KIAA0825: variants seen among roughly 807,000 people sequenced by gnomAD.
KIAA0825 encodes KIAA0825.
In KIAA0825, 119 loss-of-function variants were observed where a neutral mutation model predicts 147.6. The ratio of observed to expected loss-of-function variants is 0.81; its 90% CI spans 0.69 to 0.94. KIAA0825 has a LOEUF of 0.94. Among genes scored for constraint, KIAA0825 ranks in the 40% least tolerant of loss-of-function variants. The pLI is 0.00. For synonymous variants in KIAA0825, 470 were observed against 518.1 expected, an observed-to-expected ratio of 0.91 and a Z score of 1.26; for missense variants, 1,381 against 1,472.7, an observed-to-expected ratio of 0.94 and a Z score of 1.02.
At chr5:94,554,647 AATAATAATAGTAATG>A (rs1445108612) in intron 2 of KIAA0825, among the ~76,000 whole-genome samples, 1 of 147,694 alleles carries the variant, frequency 6.8e-6, no homozygotes, top group African/African-American at 2.5e-5. Flanking sequence ...AAAATGGCTA[AATAATAATAGTAATG>A]ATAACAGCCG....
intron 2 of KIAA0825, among the ~76,000 whole-genome samples, chr5:94,543,734 G>A (rs1194833697): frequency 6.6e-6 from 1 of 152,110 alleles, no homozygotes; most frequent in Non-Finnish European, 1.5e-5. Flanking sequence ...TTAAGTTTAG[G>A]ATTAAGGGCT....
intron 20 of KIAA0825, among the ~76,000 whole-genome samples, chr5:94,281,027 A>G (rs2150154322): frequency 6.6e-6 from 1 of 152,262 alleles, no homozygotes; most frequent in East Asian, 1.9e-4. Flanking sequence ...AGAGAAGCCA[A>G]TCATAAATGG....
chr5:94,251,418 C>T (rs976303518), intron 20 of KIAA0825, among the ~76,000 whole-genome samples: 23 of 152,036 alleles, frequency 1.5e-4, no homozygotes, highest in Non-Finnish European at 3.2e-4. Flanking sequence ...AATTCACTTT[C>T]TTGTTTATTA....
At chr5:94,563,896 G>A (rs1037098449) in intron 2 of KIAA0825, among the ~76,000 whole-genome samples, 1 of 152,100 alleles carries the variant, frequency 6.6e-6, no homozygotes, top group Non-Finnish European at 1.5e-5. Context: ...ATGTTGGCAA[G>A]ACTGATCTCG....
At chr5:94,549,579 G>A (rs1450034866) in intron 2 of KIAA0825, among the ~76,000 whole-genome samples, 2 of 152,146 alleles carry the variant, frequency 1.3e-5, no homozygotes, top group African/African-American at 4.8e-5. Flanking sequence ...CGGATGTGGT[G>A]GCAGGTGCCT....
chr5:94,334,077 T>C (rs1188290441), intron 20 of KIAA0825, among the ~76,000 whole-genome samples: 1 of 150,216 alleles, frequency 6.7e-6, no homozygotes, highest in Non-Finnish European at 1.5e-5. Flanking sequence ...CCATTGACTT[T>C]CTTCACAGAA....
chr5:94,525,967 C>G (rs1769199675), intron 3 of KIAA0825, among the ~76,000 whole-genome samples: 5 of 151,838 alleles, frequency 3.3e-5, no homozygotes, highest in Admixed American at 3.3e-4. Flanking sequence ...CATTTTGTCA[C>G]AAATTATAAA....
intron 15 of KIAA0825, among the ~76,000 whole-genome samples, chr5:94,406,346 A>T (rs1329618511): frequency 6.6e-6 from 1 of 152,194 alleles, no homozygotes; most frequent in Non-Finnish European, 1.5e-5. Context: ...AATTAGAGAA[A>T]ATTTTACATA....
intron 20 of KIAA0825, among the ~76,000 whole-genome samples, chr5:94,240,526 T>C (rs1583943589): frequency 6.6e-6 from 1 of 152,248 alleles, no homozygotes; most frequent in Non-Finnish European, 1.5e-5. Context: ...CAACCTGTTC[T>C]CTTATTGATA....
At chr5:94,507,047 T>A (rs536976770) in intron 5 of KIAA0825, among the ~76,000 whole-genome samples, 11 of 152,314 alleles carry the variant, frequency 7.2e-5, no homozygotes, top group Non-Finnish European at 1.6e-4. Context: ...ATAAGTGTTA[T>A]GTATAGTCAA....
intron 5 of KIAA0825, among the ~76,000 whole-genome samples, chr5:94,510,911 A>G (rs933392634): frequency 2.0e-5 from 3 of 152,216 alleles, no homozygotes; most frequent in Non-Finnish European, 4.4e-5. Context: ...TTCTAAGTGT[A>G]AAAGACACAG....
At chr5:94,432,410 C>T (rs1226278594) in intron 14 of KIAA0825, among the ~76,000 whole-genome samples, 6 of 152,110 alleles carry the variant, frequency 3.9e-5, no homozygotes, top group Non-Finnish European at 8.8e-5. Context: ...CTAGAAGCAC[C>T]ACCCCCACCT....
chr5:94,302,169 C>A (rs374978033), intron 20 of KIAA0825, among the ~76,000 whole-genome samples: 70 of 152,186 alleles, frequency 4.6e-4, no homozygotes, highest in African/African-American at 1.6e-3. Context: ...AGTCCAAATA[C>A]AGTAGAGATA....
chr5:94,238,736 C>G (rs1775194381), intron 20 of KIAA0825, among the ~76,000 whole-genome samples: 1 of 151,894 alleles, frequency 6.6e-6, no homozygotes. Flanking sequence ...CCCTCCCTCT[C>G]TCTCTCTCTC....
chr5:94,222,976 C>A (rs1158273644), intron 20 of KIAA0825, among the ~76,000 whole-genome samples: 1 of 152,106 alleles, frequency 6.6e-6, no homozygotes, highest in East Asian at 1.9e-4. Context: ...ATTCTACTTT[C>A]TTAGCAAAAA....
At chr5:94,234,798 C>G (rs1036096021) in intron 20 of KIAA0825, among the ~76,000 whole-genome samples, 2 of 152,174 alleles carry the variant, frequency 1.3e-5, no homozygotes, top group Admixed American at 6.5e-5. Flanking sequence ...ACACCTCCCA[C>G]CAGCCTCACC....
At chr5:94,396,560 AC>A (rs1750680286) in intron 16 of KIAA0825, 51 bp from the exon 17 acceptor site, 1 of 1,403,512 alleles carries the variant, frequency 7.1e-7, no homozygotes, top group Non-Finnish European at 9.5e-7. Context: ...GCGTTCAATC[AC>A]TGCATGGTTT....
intron 20 of KIAA0825, among the ~76,000 whole-genome samples, chr5:94,215,566 GA>G (rs1773118449): frequency 6.6e-6 from 1 of 152,122 alleles, no homozygotes; most frequent in East Asian, 1.9e-4. Context: ...AAAGATTGAG[GA>G]ATAGAAGTCT....
chr5:94,373,266 C>T (rs1291159602), intron 20 of KIAA0825, among the ~76,000 whole-genome samples: 1 of 152,174 alleles, frequency 6.6e-6, no homozygotes, highest in Non-Finnish European at 1.5e-5. Flanking sequence ...AAAGTCGCTT[C>T]CACATTTTTG....
Sources: gnomAD v4.1 joint callset for allele counts (sites outside exome capture counted in the v4.1 genomes callset) on GRCh38, gnomAD v4.1.1 for gene constraint, MANE v1.5 for transcripts, NCBI Gene and HGNC (gene_info 2026-07-23, HGNC 2026-07-21) for gene names.